The following DNAH17 variants were observed in gnomAD, a reference collection of about 807,000 sequenced individuals.
DNAH17 encodes the protein dynein axonemal heavy chain 17.
In DNAH17, 376 loss-of-function variants were observed where a neutral mutation model predicts 485.6. That is an observed-to-expected ratio of 0.77 (90% CI 0.71 to 0.84). The LOEUF is 0.84. Among genes scored for constraint, DNAH17 ranks in the 40% least tolerant of loss-of-function variants. The pLI is 0.00. For synonymous variants in DNAH17, 3,031 were observed against 2,405.9 expected (o/e 1.26, Z -7.60); for missense variants, 6,370 against 5,839.3 (o/e 1.09, Z -2.96).
intron 26 of DNAH17, chr17:78,510,758 C>T (rs968551496): frequency 5.1e-6 from 2 of 394,436 alleles, no homozygotes; most frequent in Admixed American, 7.0e-5. Flanking sequence ...GCGGCCCCCC[C>T]GCAAAATTCA....
chr17:78,482,227 T>G (rs60918293), intron 48 of DNAH17, among the ~76,000 whole-genome samples: 5,848 of 152,042 alleles, frequency 0.038, 370 homozygotes, highest in African/African-American at 0.13. Context: ...TAAGTTTTTG[T>G]AGAGACAGGG....
At chr17:78,486,163 C>T in intron 45 of DNAH17, 30 bp from the exon 46 acceptor site, 1 of 1,605,180 alleles carries the variant, frequency 6.2e-7, no homozygotes, top group Non-Finnish European at 8.5e-7. Flanking sequence ...AAAATCAGGG[C>T]CCAGCTAAGC....
At chr17:78,535,450 C>T (rs1342927499) in intron 19 of DNAH17, among the ~76,000 whole-genome samples, 2 of 152,188 alleles carry the variant, frequency 1.3e-5, no homozygotes, top group Non-Finnish European at 2.9e-5. Context: ...TCCCTCGTGT[C>T]CTCATGTCAC....
At chr17:78,569,754 G>A (rs1209086635) in intron 7 of DNAH17, among the ~76,000 whole-genome samples, 1 of 152,224 alleles carries the variant, frequency 6.6e-6, no homozygotes. Flanking sequence ...GGTCGCAGAT[G>A]ATGAGAGGCC....
At chr17:78,569,876 G>A (rs188686393) in intron 7 of DNAH17, among the ~76,000 whole-genome samples, 4 of 152,320 alleles carry the variant, frequency 2.6e-5, no homozygotes, top group Non-Finnish European at 4.4e-5. Flanking sequence ...GAACGCCATG[G>A]CTGGCTAGCA....
Position 78,459,000 on chromosome 17 carries a change from C to A in DNAH17, c.9861+1G>T, listed in dbSNP as rs774128924. 1.9e-6 allele frequency: 3 copies of A among 1,613,972 alleles called. No individual in the cohort carries two copies. Among genetic ancestry groups the A allele is most frequent in the South Asian group, 2.2e-5 (2 of 91,084 alleles). ...AGGGACGGGAGCGAGCCGGCACTTACGGCAATCTTGTTTTTGATCCGGGAC... is the reference window on the plus strand; with the variant it reads ...AGGGACGGGAGCGAGCCGGCACTTAAGGCAATCTTGTTTTTGATCCGGGAC... On this transcript the variant is annotated splice_donor_variant, in intron 61 of 80. Transcript: ENST00000389840. LOFTEE classifies it high-confidence loss of function.
chr17:78,492,421 TG>T (rs1351423955), intron 42 of DNAH17, among the ~76,000 whole-genome samples: 6 of 152,162 alleles, frequency 3.9e-5, no homozygotes, highest in Non-Finnish European at 2.9e-5. Flanking sequence ...CCAGCTCCTG[TG>T]GCCCCCATTC....
rs551748268 is a variant in DNAH17 at position 78,444,537 on chromosome 17, C to T, written c.11528+67G>A. ...AAGTCCACAGAGAGTCTAGCACAGCCGCTCGGTCAAGCTTCCATCAGGCCT... is the reference window on the plus strand; with the variant it reads ...AAGTCCACAGAGAGTCTAGCACAGCTGCTCGGTCAAGCTTCCATCAGGCCT... On this transcript the variant is annotated intron_variant, in intron 71 of 80. Coordinates refer to ENST00000389840, the MANE Select transcript of DNAH17 (RefSeq NM_173628.4). 4.6e-5 allele frequency: 66 copies of T among 1,446,634 alleles called. 1 individual carries two copies. The highest frequency in any genetic ancestry group is 2.2e-4 in the Middle Eastern group (1 of 4,566). The allele number at this position is 1,446,634 out of a possible 1,614,324, so 89.6% of individuals were successfully genotyped here.
In DNAH17 at chr17:78,476,750, A is replaced by T; in HGVS notation, c.7993-17T>A. On this transcript the variant is annotated splice_polypyrimidine_tract_variant and intron_variant, in intron 51 of 80. Coordinates refer to ENST00000389840, the MANE Select transcript of DNAH17 (RefSeq NM_173628.4). Reference sequence around the variant, plus strand: ...TAAGAGTCCCTGCCCCAAACACAGGATGATCAGCACCGTCAGCTGTTACGA... The same window carrying T: ...TAAGAGTCCCTGCCCCAAACACAGGTTGATCAGCACCGTCAGCTGTTACGA... The T allele has an allele frequency of 1.2e-6, 2 of 1,609,208 alleles. No homozygotes were observed. The highest frequency in any genetic ancestry group is 1.7e-6 in the Non-Finnish European group (2 of 1,177,700).
At chr17:78,427,815 C>A (rs1007589428) in intron 77 of DNAH17, among the ~76,000 whole-genome samples, 1 of 152,008 alleles carries the variant, frequency 6.6e-6, no homozygotes, top group Non-Finnish European at 1.5e-5. Context: ...ACCACAAATA[C>A]AAAATTAGCC....
At chr17:78,445,373 G>C (rs146484049) in intron 70 of DNAH17, among the ~76,000 whole-genome samples, 185 bp downstream of exon 70, 2 of 152,306 alleles carry the variant, frequency 1.3e-5, no homozygotes, top group African/African-American at 2.4e-5. Flanking sequence ...TAGGAACGCA[G>C]AGCTATCTGT....
At chr17:78,535,701 C>CT (rs1276983960) in intron 19 of DNAH17, among the ~76,000 whole-genome samples, 1 of 152,220 alleles carries the variant, frequency 6.6e-6, no homozygotes, top group Non-Finnish European at 1.5e-5. Flanking sequence ...CCCCTCCTTC[C>CT]TCCCTTCCTG....
At chr17:78,556,896 G>A (rs1390098011) in intron 14 of DNAH17, among the ~76,000 whole-genome samples, 3 of 152,152 alleles carry the variant, frequency 2.0e-5, no homozygotes, top group South Asian at 2.1e-4. Context: ...ATAATTAACC[G>A]AGTGAAAGCA....
At chr17:78,571,202 G>T in intron 5 of DNAH17, 77 bp downstream of exon 5, 3 of 1,385,816 alleles carry the variant, frequency 2.2e-6, no homozygotes, top group Non-Finnish European at 3.0e-6. Flanking sequence ...TCCTAGGGTT[G>T]GTGACAAGTC....
chr17:78,570,494 G>A, intron 6 of DNAH17, 122 bp from the exon 7 acceptor site: 15 of 1,315,938 alleles, frequency 1.1e-5, no homozygotes, highest in Non-Finnish European at 4.1e-6. Flanking sequence ...CCAAAGAGGA[G>A]GGGAGAGGCA....
chr17:78,463,047 T>C lies in DNAH17; in HGVS notation c.8971A>G (p.Met2991Val). 1.2e-6 allele frequency: 2 copies of C among 1,613,810 alleles called. No individual in the cohort carries two copies. Among genetic ancestry groups the C allele is most frequent in the East Asian group, 2.2e-5 (1 of 44,882 alleles). ...WEVKASISFF[M>V]SYVHTTVNEM... ...TTGACGGTGGTGTGCACGTAGGACA[T>C]GAAGAAGCTGATGGAGGCCTTGACT... Residue 2991 changes from methionine (M) to valine (V), a missense_variant, in exon 57 of 81, where the codon ATG becomes GTG. Physicochemically the swap from Met to Val is conservative, Grantham distance 21. Transcript: ENST00000389840.
At position 78,453,372 on chromosome 17, in the gene DNAH17, T is replaced by G; in HGVS notation, c.10500A>C (p.Leu3500=). Residue 3500 remains leucine, a synonymous_variant, in exon 65 of 81, where the codon CTA becomes CTC. Coordinates refer to ENST00000389840, the MANE Select transcript of DNAH17 (RefSeq NM_173628.4). ...CCTTTTTAATCGTGTTCCTGCCCAGTAGAGGGTCCAGCACGGGGTCCACGG... is the reference window on the plus strand; with the variant it reads ...CCTTTTTAATCGTGTTCCTGCCCAGGAGAGGGTCCAGCACGGGGTCCACGG... ...GETVDPVLDP[L]LGRNTIKKGK... The G allele has an allele frequency of 1.2e-6, 2 of 1,613,700 alleles. No individual in the cohort carries two copies. Among genetic ancestry groups the G allele is most frequent in the Non-Finnish European group, 1.7e-6 (2 of 1,179,746 alleles).
chr17:78,462,448 A>G (rs2146538154), intron 57 of DNAH17, among the ~76,000 whole-genome samples: 1 of 152,264 alleles, frequency 6.6e-6, no homozygotes, highest in Admixed American at 6.5e-5. Context: ...AGAACCCTTC[A>G]AGATCCATAC....
intron 71 of DNAH17, among the ~76,000 whole-genome samples, chr17:78,442,040 G>T (rs546307771): frequency 6.6e-6 from 1 of 151,696 alleles, no homozygotes; most frequent in Non-Finnish European, 1.5e-5. Flanking sequence ...GTGAGATGGC[G>T]CCATTGCACT....
Sources: allele counts gnomAD v4.1 joint callset (sites outside exome capture counted in the v4.1 genomes callset), GRCh38; gene constraint gnomAD v4.1.1; transcripts MANE v1.5; gene names NCBI Gene and HGNC (gene_info 2026-07-23, HGNC 2026-07-21).